The following CNIH4 variants were observed in gnomAD, a reference collection of about 807,000 sequenced individuals.
The protein encoded by CNIH4 is cornichon family member 4.
Under a neutral mutation model 21.5 loss-of-function variants are expected in CNIH4, and 9 were observed. The ratio of observed to expected loss-of-function variants is 0.42; its 90% CI spans 0.25 to 0.73. CNIH4 has a LOEUF of 0.73. Among genes scored for constraint, CNIH4 ranks in the 30% least tolerant of loss-of-function variants. The probability of loss-of-function intolerance (pLI) is 0.27; values close to 1 mark genes in which losing one functional copy is unlikely to be tolerated. For synonymous variants in CNIH4, 67 were observed against 59.1 expected (o/e 1.13, Z -0.61); for missense variants, 159 against 170.0 (o/e 0.94, Z 0.36).
intron 1 of CNIH4, among the ~76,000 whole-genome samples, chr1:224,359,629 G>A (rs1176830604): frequency 6.6e-6 from 1 of 152,148 alleles, no homozygotes. Flanking sequence ...GGAGTGCAGT[G>A]GCGCAATCTT....
At chr1:224,368,674 C>CGAGATA (rs1672535675) in intron 3 of CNIH4, among the ~76,000 whole-genome samples, 5 of 144,118 alleles carry the variant, frequency 3.5e-5, no homozygotes, top group Admixed American at 3.4e-4. Flanking sequence ...TTTTTTTTTT[C>CGAGATA]GAGATAGAGT....
At chr1:224,364,712 A>T (rs940289740) in intron 2 of CNIH4, among the ~76,000 whole-genome samples, 2 of 152,190 alleles carry the variant, frequency 1.3e-5, no homozygotes, top group African/African-American at 4.8e-5. Context: ...AGGTGGGTGG[A>T]TCACAAGGTT....
At chr1:224,360,376 A>G (rs1672244689) in intron 1 of CNIH4, 119 bp from the exon 2 acceptor site, 1 of 509,240 alleles carries the variant, frequency 2.0e-6, no homozygotes, top group African/African-American at 2.0e-5. Context: ...AAACTTTAGG[A>G]AACAACTCAT....
At position 224,378,408 on chromosome 1, in the gene CNIH4, T is replaced by A. The variant is rs1672837139; in HGVS notation, c.*2586T>A. On this transcript the variant is annotated 3_prime_UTR_variant, in exon 5 of 5. Coordinates refer to ENST00000465271, the MANE Select transcript of CNIH4 (RefSeq NM_014184.4). ...GAAAGGGGGATAAAAGCACTGACTTTAAAAAGCCATGTTTAAGATGCTATA... is the reference window on the plus strand; with the variant it reads ...GAAAGGGGGATAAAAGCACTGACTTAAAAAAGCCATGTTTAAGATGCTATA... 2 of 152,280 alleles carry A rather than the reference T, an allele frequency of 1.3e-5. No homozygotes were observed. The highest frequency in any genetic ancestry group is 2.9e-5 in the Non-Finnish European group (2 of 68,078). 9.4% of individuals were successfully genotyped at this position (152,280 alleles called of 1,614,324 possible).
intron 2 of CNIH4, among the ~76,000 whole-genome samples, chr1:224,360,953 A>T (rs1672269924): frequency 6.6e-6 from 1 of 151,164 alleles, no homozygotes; most frequent in South Asian, 2.1e-4. Context: ...CGAGAAAATA[A>T]TTTTTTTTTA....
At position 224,360,505 on chromosome 1, in the gene CNIH4, T is replaced by C; in HGVS notation, c.80T>C (p.Leu27Ser). ...IFLSVYFIIT[L>S]SDLECDYINA... ...TATCTTGATCATCAGATAATTACAT[T>C]GTCTGATTTAGAATGTGATTACATT... The change falls in exon 2 of 5, where the codon TTG (leucine) becomes TCG (serine). Residue 27 changes from leucine to serine, a missense_variant. Transcript: ENST00000465271. 1 of 1,418,968 alleles carries C rather than the reference T, an allele frequency of 7.0e-7. No individual in the cohort carries two copies. Among genetic ancestry groups the C allele is most frequent in the Non-Finnish European group, 9.5e-7 (1 of 1,056,098 alleles). 87.9% of individuals were successfully genotyped at this position (1,418,968 alleles called of 1,614,324 possible).
At chr1:224,366,115 C>T (rs1672445429) in intron 3 of CNIH4, 124 bp downstream of exon 3, 1 of 673,690 alleles carries the variant, frequency 1.5e-6, no homozygotes. Flanking sequence ...GATCTCAGCT[C>T]ACTGCAATTT....
chr1:224,363,968 G>A (rs1209454474), intron 2 of CNIH4: 1 of 748,176 alleles, frequency 1.3e-6, no homozygotes, highest in Non-Finnish European at 1.6e-6. Context: ...GAGGATATGA[G>A]TCTAGTGCCA....
Position 224,375,883 on chromosome 1 carries a change from A to G in CNIH4, c.*61A>G. 6.2e-7 allele frequency: 1 copy of G among 1,601,026 alleles called. No individual in the cohort carries two copies. The highest frequency in any genetic ancestry group is 8.5e-7 in the Non-Finnish European group (1 of 1,173,462). On this transcript the variant is annotated 3_prime_UTR_variant, in exon 5 of 5. Coordinates refer to ENST00000465271, the MANE Select transcript of CNIH4 (RefSeq NM_014184.4). ...ACAGTGCACAGTTGAGGAGCCAGAG[A>G]CTTCTTAAATCATCCTTAGAACCGT...
At chr1:224,366,964 G>T (rs1363937751) in intron 3 of CNIH4, among the ~76,000 whole-genome samples, 2 of 88,456 alleles carry the variant, frequency 2.3e-5, no homozygotes, top group Admixed American at 1.2e-4. Context: ...TCCGTCTCAA[G>T]AAAAAAAAAA....
At chr1:224,369,954 G>A (rs1465461727) in intron 3 of CNIH4, among the ~76,000 whole-genome samples, 1 of 152,084 alleles carries the variant, frequency 6.6e-6, no homozygotes, top group Admixed American at 6.6e-5. Context: ...GATTACAGGT[G>A]TGAGCCACTG....
chr1:224,360,731 T>C (rs1348229937), intron 2 of CNIH4, among the ~76,000 whole-genome samples, 168 bp downstream of exon 2: 2 of 152,216 alleles, frequency 1.3e-5, no homozygotes, highest in Non-Finnish European at 2.9e-5. Flanking sequence ...ATCATGAAAT[T>C]ATGCTAGAAG....
chr1:224,376,464 C>A lies in CNIH4; in HGVS notation c.*642C>A. ...AAGGAAATATTTTGTCAAGAGCTTT[C>A]ATTTAAAAGCTACTACCTCCACAAT... On this transcript the variant is annotated 3_prime_UTR_variant, in exon 5 of 5. Coordinates refer to ENST00000465271, the MANE Select transcript of CNIH4 (RefSeq NM_014184.4). 1 of 985,268 alleles carries A rather than the reference C, an allele frequency of 1.0e-6. No homozygotes were observed. Among genetic ancestry groups the A allele is most frequent in the Non-Finnish European group, 1.2e-6 (1 of 829,806 alleles). The allele number at this position is 985,268 out of a possible 1,614,324, so 61.0% of individuals were successfully genotyped here.
chr1:224,371,997 A>G lies in CNIH4; in HGVS notation c.392+574A>G, dbSNP rs187881107. Among the ~76,000 whole-genome samples, 17 of 152,282 alleles carry G rather than the reference A, an allele frequency of 1.1e-4. No individual in the cohort carries two copies. The East Asian group carries it at 2.3e-3, about 21-fold the overall frequency. ...GCTGTGGAGTTCCACTGCCTGTTATAAGCATTAATATATGTGCCTCAGCGA... is the reference window on the plus strand; with the variant it reads ...GCTGTGGAGTTCCACTGCCTGTTATGAGCATTAATATATGTGCCTCAGCGA... On this transcript the variant is annotated intron_variant, in intron 4 of 4. Transcript: ENST00000465271.
chr1:224,367,726 A>G (rs1471575503), intron 3 of CNIH4, among the ~76,000 whole-genome samples: 2 of 152,116 alleles, frequency 1.3e-5, no homozygotes, highest in African/African-American at 4.8e-5. Flanking sequence ...GTACTCTCCC[A>G]TGATCAGTTC....
At chr1:224,357,163 G>GCC in intron 1 of CNIH4, 170 bp downstream of exon 1, 1 of 683,136 alleles carries the variant, frequency 1.5e-6, no homozygotes, top group Non-Finnish European at 2.4e-6. Flanking sequence ...GCGGGTAGGA[G>GCC]AGGCTGGCTG....
At chr1:224,364,740 C>T (rs1479389379) in intron 2 of CNIH4, among the ~76,000 whole-genome samples, 2 of 152,128 alleles carry the variant, frequency 1.3e-5, no homozygotes, top group Non-Finnish European at 2.9e-5. Flanking sequence ...TGAGACCATC[C>T]TGGCCAACAT....
chr1:224,376,714 G>T lies in CNIH4; in HGVS notation c.*892G>T. 1.5e-5 allele frequency: 15 copies of T among 985,394 alleles called. No homozygotes were observed. The highest frequency in any genetic ancestry group is 1.8e-5 in the Non-Finnish European group (15 of 829,930). 61.0% of individuals were successfully genotyped at this position (985,394 alleles called of 1,614,324 possible). On this transcript the variant is annotated 3_prime_UTR_variant, in exon 5 of 5. Transcript: ENST00000465271. ...ACTTCTATCCCTCTGCACTGACCAC[G>T]TTGTGAACTGGGAGACCAAATGCAA...
chr1:224,356,878 C>A, upstream of CNIH4: 1 of 1,529,856 alleles, frequency 6.5e-7, no homozygotes, highest in Non-Finnish European at 8.9e-7. Flanking sequence ...TGGGTCGGGG[C>A]ATCCGAGCGG....
Sources: gnomAD v4.1 joint callset for allele counts (sites outside exome capture counted in the v4.1 genomes callset) on GRCh38, gnomAD v4.1.1 for gene constraint, MANE v1.5 for transcripts, NCBI Gene and HGNC (gene_info 2026-07-23, HGNC 2026-07-21) for gene names.